Variants in AGBL1 observed in about 807,000 individuals in gnomAD.
AGBL1 encodes the protein AGBL carboxypeptidase 1.
In AGBL1, 130 loss-of-function variants were observed where a neutral mutation model predicts 118.9. The ratio of observed to expected loss-of-function variants is 1.09; its 90% CI spans 0.95 to 1.26. The LOEUF (loss-of-function observed/expected upper bound fraction) is 1.26. AGBL1 is among the 50% of genes most tolerant of loss of function. The pLI, the probability that AGBL1 is intolerant of heterozygous loss-of-function variation, is 0.00. For synonymous variants in AGBL1, 555 were observed against 478.9 expected (o/e 1.16, Z -2.08); for missense variants, 1,584 against 1,298.1 (o/e 1.22, Z -3.38).
chr15:86,618,009 C>T (rs2084754818), intron 21 of AGBL1, among the ~76,000 whole-genome samples: 1 of 152,094 alleles, frequency 6.6e-6, no homozygotes, highest in Non-Finnish European at 1.5e-5. Flanking sequence ...AGAAACTGAG[C>T]AGGGCTTCCC....
At chr15:86,474,526 G>A (rs1433315806) in intron 18 of AGBL1, among the ~76,000 whole-genome samples, 1 of 152,226 alleles carries the variant, frequency 6.6e-6, no homozygotes, top group Non-Finnish European at 1.5e-5. Flanking sequence ...CAAGCCTGAT[G>A]GAGGGGCACC....
At chr15:86,835,106 G>C (rs868361077) in intron 22 of AGBL1, among the ~76,000 whole-genome samples, 1 of 152,042 alleles carries the variant, frequency 6.6e-6, no homozygotes, top group Non-Finnish European at 1.5e-5. Flanking sequence ...TACATTTAAG[G>C]GTTAACTAGT....
At chr15:86,536,743 C>T (rs963813583) in intron 19 of AGBL1, among the ~76,000 whole-genome samples, 7 of 152,096 alleles carry the variant, frequency 4.6e-5, no homozygotes, top group Non-Finnish European at 7.4e-5. Context: ...GGAGGGTAAC[C>T]GCTTAGAAAG....
intron 22 of AGBL1, among the ~76,000 whole-genome samples, chr15:86,724,939 C>A (rs570415793): frequency 6.6e-6 from 1 of 152,176 alleles, no homozygotes; most frequent in African/African-American, 2.4e-5. Context: ...GTGCAGCCTG[C>A]AGAACCATGA....
At chr15:86,194,443 G>T (rs1338440106) in intron 5 of AGBL1, among the ~76,000 whole-genome samples, 6 of 152,146 alleles carry the variant, frequency 3.9e-5, no homozygotes, top group Non-Finnish European at 7.4e-5. Context: ...ATCCTTGCTA[G>T]ATCATAACAT....
intron 23 of AGBL1, among the ~76,000 whole-genome samples, chr15:86,958,477 A>G (rs1222621693): frequency 6.6e-6 from 1 of 152,140 alleles, no homozygotes; most frequent in African/African-American, 2.4e-5. Context: ...AATCAGACCT[A>G]CATTCATAGA....
chr15:86,893,184 G>A (rs934300186), intron 22 of AGBL1, among the ~76,000 whole-genome samples: 2 of 152,124 alleles, frequency 1.3e-5, no homozygotes, highest in Non-Finnish European at 2.9e-5. Context: ...TTTTTCAGGA[G>A]GGAGATGGGT....
At chr15:87,004,643 A>G (rs900394916) in intron 24 of AGBL1, among the ~76,000 whole-genome samples, 2 of 152,076 alleles carry the variant, frequency 1.3e-5, no homozygotes, top group Non-Finnish European at 2.9e-5. Flanking sequence ...TCTTTATCCA[A>G]TTTGCCAGTC....
At chr15:86,827,428 T>C (rs557605549) in intron 22 of AGBL1, among the ~76,000 whole-genome samples, 159 of 7,414 alleles carry the variant, frequency 0.021, 9 homozygotes, top group African/African-American at 0.078. Flanking sequence ...TATATATATA[T>C]ACACATATAT....
intron 21 of AGBL1, among the ~76,000 whole-genome samples, chr15:86,650,006 A>T: frequency 6.6e-6 from 1 of 152,220 alleles, no homozygotes; most frequent in East Asian, 1.9e-4. Context: ...GACCAAAAAA[A>T]ATTGGGATAA....
intron 21 of AGBL1, among the ~76,000 whole-genome samples, chr15:86,597,941 G>A (rs1203095089): frequency 1.3e-5 from 2 of 152,108 alleles, no homozygotes; most frequent in African/African-American, 4.8e-5. Flanking sequence ...AAGAAAGTTT[G>A]CCATTGTTGA....
chr15:86,173,887 G>C (rs778583139), intron 5 of AGBL1, among the ~76,000 whole-genome samples: 3 of 152,104 alleles, frequency 2.0e-5, no homozygotes, highest in African/African-American at 4.8e-5. Flanking sequence ...AATGCCTCCA[G>C]CTTTGTTCAT....
intron 21 of AGBL1, among the ~76,000 whole-genome samples, chr15:86,629,008 A>T (rs1190757627): frequency 2.6e-5 from 4 of 152,088 alleles, no homozygotes; most frequent in African/African-American, 4.8e-5. Context: ...AACACTTAAG[A>T]TCTGGTCTCA....
rs115767763 is a variant in AGBL1 at position 86,363,978 on chromosome 15, A to G, written c.2375-33388A>G. ...AGTGCCCAGCTTTTATATTCTACCTATAATTTCTTTCAGGTGAGCATCCTG... is the reference window on the plus strand; with the variant it reads ...AGTGCCCAGCTTTTATATTCTACCTGTAATTTCTTTCAGGTGAGCATCCTG... On this transcript the variant is annotated intron_variant, in intron 17 of 22. Transcript: ENST00000614907. Among the ~76,000 whole-genome samples the G allele has an allele frequency of 4.3e-3, 657 of 152,204 alleles. 3 individuals carry two copies. The highest frequency in any genetic ancestry group is 0.014 in the African/African-American group (599 of 41,510).
At chr15:86,096,801 T>G (rs904000395) in intron 1 of AGBL1, among the ~76,000 whole-genome samples, 1 of 152,200 alleles carries the variant, frequency 6.6e-6, no homozygotes, top group Non-Finnish European at 1.5e-5. Context: ...TAACCTAGTA[T>G]AGTCCTACCC....
Position 86,264,498 on chromosome 15 carries a change from C to G in AGBL1, c.1327C>G (p.Gln443Glu). The G allele has an allele frequency of 6.2e-7, 1 of 1,614,028 alleles. No individual in the cohort carries two copies. Among genetic ancestry groups the G allele is most frequent in the Non-Finnish European group, 8.5e-7 (1 of 1,179,886 alleles). ...NPGVNLYQNVQSNSLRRDSSE... is the reference protein window; with the variant it reads ...NPGVNLYQNVESNSLRRDSSE... ...TGGAGTGAACCTGTACCAAAATGTG[C>G]AATCCAATAGTCTCAGGAGAGATTC... The change falls in exon 11 of 23, where the codon CAA (glutamine) becomes GAA (glutamate). Residue 443 changes from glutamine to glutamate, a missense_variant. Transcript: ENST00000614907.
chr15:86,460,814 A>T (rs1038674987), intron 18 of AGBL1, among the ~76,000 whole-genome samples: 5 of 152,130 alleles, frequency 3.3e-5, no homozygotes, highest in African/African-American at 1.2e-4. Flanking sequence ...ACTTGACCTC[A>T]TACATCCTTT....
At chr15:86,805,574 T>C (rs1306729408) in intron 22 of AGBL1, among the ~76,000 whole-genome samples, 2 of 152,108 alleles carry the variant, frequency 1.3e-5, no homozygotes, top group African/African-American at 2.4e-5. Context: ...TGTACAAGAT[T>C]ACGAATTGTT....
At chr15:86,891,800 C>T (rs1375244884) in intron 22 of AGBL1, among the ~76,000 whole-genome samples, 1 of 152,120 alleles carries the variant, frequency 6.6e-6, no homozygotes, top group Non-Finnish European at 1.5e-5. Flanking sequence ...GCCAACCATG[C>T]ACACCAAAGC....
Sources: allele counts gnomAD v4.1 joint callset (sites outside exome capture counted in the v4.1 genomes callset), GRCh38; gene constraint gnomAD v4.1.1; transcripts MANE v1.5; gene names NCBI Gene and HGNC (gene_info 2026-07-23, HGNC 2026-07-21).